The following PCNX2 variants were observed in gnomAD, a reference collection of about 807,000 sequenced individuals.
The protein encoded by PCNX2 is pecanex-like protein 2.
In PCNX2, 168 loss-of-function variants were observed where a neutral mutation model predicts 223.8. The observed-to-expected ratio is 0.75, with a 90% confidence interval of 0.66 to 0.85. PCNX2 has a LOEUF of 0.85. PCNX2 is among the 40% of genes least tolerant of loss of function. The pLI is 0.00. For synonymous variants in PCNX2, 1,006 were observed against 1,052.6 expected (o/e 0.96, Z 0.86); for missense variants, 2,507 against 2,675.5 (o/e 0.94, Z 1.39).
At chr1:233,042,979 A>T (rs1368464685) in intron 25 of PCNX2, among the ~76,000 whole-genome samples, 2 of 152,178 alleles carry the variant, frequency 1.3e-5, no homozygotes, top group Non-Finnish European at 2.9e-5. Context: ...TGCGGGTTTG[A>T]CTAGCTCTAC....
chr1:233,015,615 C>G (rs764260323), intron 27 of PCNX2, among the ~76,000 whole-genome samples: 1 of 152,104 alleles, frequency 6.6e-6, no homozygotes, highest in African/African-American at 2.4e-5. Flanking sequence ...GTCGCTGGAA[C>G]CCGGGGGGCA....
At chr1:233,207,815 A>G (rs1378017106) in intron 13 of PCNX2, among the ~76,000 whole-genome samples, 2 of 152,168 alleles carry the variant, frequency 1.3e-5, no homozygotes, top group Non-Finnish European at 2.9e-5. Context: ...CCTTAAGTCA[A>G]GCAAAGGGAT....
intron 8 of PCNX2, among the ~76,000 whole-genome samples, chr1:233,245,422 A>G (rs1362057744): frequency 2.0e-5 from 3 of 152,070 alleles, no homozygotes; most frequent in Non-Finnish European, 2.9e-5. Flanking sequence ...CAATGAGTGG[A>G]GAACTTGGCA....
At chr1:233,101,764 CA>C (rs1189559664) in intron 21 of PCNX2, among the ~76,000 whole-genome samples, 1 of 152,186 alleles carries the variant, frequency 6.6e-6, no homozygotes, top group Non-Finnish European at 1.5e-5. Flanking sequence ...GGAACACAGA[CA>C]TGGATATAGG....
intron 19 of PCNX2, among the ~76,000 whole-genome samples, chr1:233,153,872 T>C (rs984518169): frequency 7.9e-5 from 12 of 152,174 alleles, no homozygotes; most frequent in African/African-American, 1.2e-4. Flanking sequence ...AAGTGAAAAA[T>C]ACATTATAAA....
chr1:233,013,115 G>A (rs1281193162), intron 28 of PCNX2, among the ~76,000 whole-genome samples: 2 of 152,172 alleles, frequency 1.3e-5, no homozygotes, highest in African/African-American at 4.8e-5. Context: ...TCAGGTAAGA[G>A]GACAGGGAGA....
intron 1 of PCNX2, among the ~76,000 whole-genome samples, chr1:233,268,763 G>C (rs1367999050): frequency 6.6e-6 from 1 of 152,184 alleles, no homozygotes; most frequent in Non-Finnish European, 1.5e-5. Flanking sequence ...TTTCAAAAGA[G>C]GGGATGATTC....
At chr1:233,017,596 A>C (rs35380441) in intron 26 of PCNX2, among the ~76,000 whole-genome samples, 3 of 152,020 alleles carry the variant, frequency 2.0e-5, no homozygotes, top group East Asian at 2.0e-4. Context: ...GATTACAGGC[A>C]TGAGCCACCA....
chr1:233,258,943 T>C lies in PCNX2; in HGVS notation c.919A>G (p.Ser307Gly). The C allele has an allele frequency of 6.2e-7, 1 of 1,613,954 alleles. No individual in the cohort carries two copies. The highest frequency in any genetic ancestry group is 8.5e-7 in the Non-Finnish European group (1 of 1,179,864). ...ERVQSKSPQD[S>G]LSSSCPQCDT... ...CATTGAGGGCAGCTGCTGCTCAGGC[T>C]GTCCTGAGGTGACTTGCTTTGTACC... The change falls in exon 5 of 34, where the codon AGC becomes GGC. Residue 307 changes from serine to glycine, a missense_variant. Ser to Gly is a moderately conservative substitution (Grantham distance 56). Around this residue, in one of 3 missense-constraint regions of PCNX2, gnomAD observed 1,031 missense variants for 1,021.7 expected, o/e 1.01. Transcript: ENST00000258229.
At chr1:233,131,368 A>G (rs1431606878) in intron 21 of PCNX2, among the ~76,000 whole-genome samples, 1 of 152,240 alleles carries the variant, frequency 6.6e-6, no homozygotes, top group East Asian at 1.9e-4. Flanking sequence ...AAATACATTC[A>G]AAGAGACTTT....
intron 15 of PCNX2, among the ~76,000 whole-genome samples, chr1:233,197,403 C>G (rs1371694767): frequency 6.6e-6 from 1 of 152,072 alleles, no homozygotes; most frequent in Non-Finnish European, 1.5e-5. Context: ...CTCAGAAGTA[C>G]AAGGACTCAG....
At chr1:233,131,373 G>T (rs1009317512) in intron 21 of PCNX2, among the ~76,000 whole-genome samples, 1 of 151,924 alleles carries the variant, frequency 6.6e-6, no homozygotes, top group African/African-American at 2.4e-5. Context: ...CATTCAAAGA[G>T]ACTTTTTTTT....
intron 12 of PCNX2, among the ~76,000 whole-genome samples, 158 bp from the exon 13 acceptor site, chr1:233,208,847 A>AAAAAAAAAAAAAAAAAAAAC (rs1681656463): frequency 6.7e-6 from 1 of 150,174 alleles, no homozygotes; most frequent in Non-Finnish European, 1.5e-5. Flanking sequence ...AAAAAAAAAA[A>AAAAAAAAAAAAAAAAAAAAC]AAAACAGGAA....
chr1:233,243,017 C>T (rs1658868319), intron 8 of PCNX2, among the ~76,000 whole-genome samples: 1 of 152,170 alleles, frequency 6.6e-6, no homozygotes, highest in Non-Finnish European at 1.5e-5. Context: ...CCAAAGATAC[C>T]TGCTCTATGG....
intron 23 of PCNX2, among the ~76,000 whole-genome samples, chr1:233,081,569 G>C (rs1358562272): frequency 6.6e-6 from 1 of 152,120 alleles, no homozygotes; most frequent in Non-Finnish European, 1.5e-5. Context: ...TTCAGGAAAA[G>C]GAAAAGACAA....
chr1:233,003,216 G>A (rs1572000184), intron 28 of PCNX2, among the ~76,000 whole-genome samples: 1 of 152,204 alleles, frequency 6.6e-6, no homozygotes, highest in African/African-American at 2.4e-5. Context: ...GAGTGAACAG[G>A]CAACCTACAG....
intron 10 of PCNX2, among the ~76,000 whole-genome samples, chr1:233,220,731 A>T (rs770488826): frequency 1.2e-4 from 18 of 152,170 alleles, no homozygotes; most frequent in Non-Finnish European, 2.1e-4. Context: ...TTTTTTAACG[A>T]ATGAAAAAAT....
chr1:233,055,718 C>A (rs1558191565), intron 24 of PCNX2, among the ~76,000 whole-genome samples: 1 of 152,188 alleles, frequency 6.6e-6, no homozygotes, highest in South Asian at 2.1e-4. Flanking sequence ...TTGTCCTAAA[C>A]AGGAAACGCC....
chr1:233,306,336 T>C, the PCNX2 span, among the ~76,000 whole-genome samples: 1 of 152,194 alleles, frequency 6.6e-6, no homozygotes, highest in African/African-American at 2.4e-5. Flanking sequence ...ATCCTGACTT[T>C]CAATAATGGA....
Sources: allele counts gnomAD v4.1 joint callset (sites outside exome capture counted in the v4.1 genomes callset), GRCh38; gene constraint gnomAD v4.1.1; regional missense constraint gnomAD v4.1.1; transcripts MANE v1.5; gene names NCBI Gene and HGNC (gene_info 2026-07-23, HGNC 2026-07-21).